The following MED13L variants were observed in gnomAD, a reference collection of about 807,000 sequenced individuals.
MED13L encodes the protein mediator of RNA polymerase II transcription subunit 13-like.
MED13L carries 7 observed loss-of-function variants against 220.9 expected under a neutral mutation model. That is an observed-to-expected ratio of 0.03 (90% confidence interval 0.02 to 0.06). MED13L has a LOEUF of 0.06. Among genes scored for constraint, MED13L ranks in the 10% least tolerant of loss-of-function variants. MED13L has a pLI of 1.00. For synonymous variants in MED13L, 1,011 were observed against 1,015.2 expected (o/e 1.00, Z 0.08); for missense variants, 1,965 against 2,760.5 (o/e 0.71, Z 6.46).
Position 116,015,259 on chromosome 12 carries a change from A to G in MED13L, c.1025T>C (p.Met342Thr), listed in dbSNP as rs1879657937. 6.2e-7 allele frequency: 1 copy of G among 1,613,880 alleles called. No individual in the cohort carries two copies. Among genetic ancestry groups the G allele is most frequent in the Non-Finnish European group, 8.5e-7 (1 of 1,179,822 alleles). ...EQAILGESGG[M>T]QSAASHLVSQ... ...AACCAGGTGACTGGCAGCACTCTGC[A>G]TACCTCCACTCTCACCTGAAAAAAA... Residue 342 changes from methionine (M) to threonine (T), a missense_variant, in exon 8 of 31, where the codon ATG becomes ACG. Transcript: ENST00000281928.
chr12:116,088,363 C>T (rs543678512), intron 4 of MED13L, among the ~76,000 whole-genome samples: 2 of 152,304 alleles, frequency 1.3e-5, no homozygotes, highest in South Asian at 4.1e-4. Flanking sequence ...CCAATTCCTA[C>T]ACTATGTGCA....
chr12:115,996,257 A>AT, intron 16 of MED13L, among the ~76,000 whole-genome samples: 1 of 151,814 alleles, frequency 6.6e-6, no homozygotes, highest in Non-Finnish European at 1.5e-5. Context: ...AGCCCAGCTA[A>AT]TTTTTTGTAT....
chr12:115,985,051 C>A (rs1186109436), intron 19 of MED13L, among the ~76,000 whole-genome samples: 2 of 152,140 alleles, frequency 1.3e-5, no homozygotes, highest in African/African-American at 2.4e-5. Context: ...TAAGCCCCGA[C>A]AAAATCCTCT....
intron 2 of MED13L, among the ~76,000 whole-genome samples, chr12:116,123,616 C>T (rs555988084): frequency 1.3e-5 from 2 of 152,242 alleles, no homozygotes; most frequent in East Asian, 3.9e-4. Flanking sequence ...AAAATTCTGA[C>T]AGGGCAAGTC....
intron 1 of MED13L, chr12:116,276,791 A>C: frequency 8.0e-7 from 1 of 1,247,672 alleles, no homozygotes; most frequent in Non-Finnish European, 1.1e-6. Context: ...TGCGACCCAG[A>C]ATCCGCAGCT....
intron 4 of MED13L, among the ~76,000 whole-genome samples, chr12:116,091,783 A>G (rs1031363700): frequency 1.1e-4 from 17 of 152,258 alleles, no homozygotes; most frequent in Non-Finnish European, 2.4e-4. Context: ...TACATGTTTT[A>G]CATGCCTCTA....
chr12:116,197,604 T>TA (rs1449184072), intron 2 of MED13L, among the ~76,000 whole-genome samples: 25 of 151,872 alleles, frequency 1.6e-4, no homozygotes, highest in Admixed American at 1.4e-3. Context: ...CCATCTCTAC[T>TA]AAAAATACAA....
At chr12:116,003,235 C>T in intron 13 of MED13L, 133 bp from the exon 14 acceptor site, 1 of 737,706 alleles carries the variant, frequency 1.4e-6, no homozygotes. Flanking sequence ...TCTAGAAATA[C>T]CAACAGATAG....
At chr12:116,081,447 G>A (rs1871235201) in intron 4 of MED13L, among the ~76,000 whole-genome samples, 1 of 152,096 alleles carries the variant, frequency 6.6e-6, no homozygotes, top group African/African-American at 2.4e-5. Context: ...TACTTTGGAG[G>A]AATGTATGTA....
chr12:116,201,944 T>C (rs998152373), intron 2 of MED13L, among the ~76,000 whole-genome samples: 3 of 152,238 alleles, frequency 2.0e-5, no homozygotes, highest in African/African-American at 7.2e-5. Context: ...TAAAGAAATA[T>C]GCTTCATTCT....
At chr12:115,961,616 T>G in intron 30 of MED13L, 2 of 638,714 alleles carry the variant, frequency 3.1e-6, no homozygotes, top group Non-Finnish European at 2.7e-6. Context: ...GCCATTGAGC[T>G]CCGCCAGTGA....
At chr12:116,162,090 C>T (rs959676141) in intron 2 of MED13L, among the ~76,000 whole-genome samples, 2 of 152,108 alleles carry the variant, frequency 1.3e-5, no homozygotes, top group African/African-American at 2.4e-5. Context: ...TATAATCAAA[C>T]TGCAACTGTA....
At chr12:116,076,599 C>G (rs1177052347) in intron 4 of MED13L, among the ~76,000 whole-genome samples, 1 of 152,090 alleles carries the variant, frequency 6.6e-6, no homozygotes. Context: ...AGTCCCAGGG[C>G]ACATTAATGA....
At chr12:116,228,169 T>C (rs893173760) in intron 2 of MED13L, among the ~76,000 whole-genome samples, 11 of 151,852 alleles carry the variant, frequency 7.2e-5, no homozygotes, top group Non-Finnish European at 1.5e-5. Context: ...CTAGCAGAGG[T>C]TGGTTCATGA....
At chr12:116,071,264 T>A (rs1397478883) in intron 4 of MED13L, among the ~76,000 whole-genome samples, 1 of 152,240 alleles carries the variant, frequency 6.6e-6, no homozygotes, top group Non-Finnish European at 1.5e-5. Flanking sequence ...ATGACTTCTT[T>A]ATCTCAATTT....
chr12:116,021,171 C>T (rs944795312), intron 5 of MED13L, among the ~76,000 whole-genome samples: 4 of 152,080 alleles, frequency 2.6e-5, no homozygotes, highest in Non-Finnish European at 5.9e-5. Flanking sequence ...CAGAATAATG[C>T]TCCACAAAAG....
intron 1 of MED13L, among the ~76,000 whole-genome samples, chr12:116,268,844 T>C (rs1312429814): frequency 2.6e-5 from 4 of 152,236 alleles, no homozygotes; most frequent in Non-Finnish European, 5.9e-5. Context: ...CTTAAATACA[T>C]TCAACTCAGT....
chr12:116,245,096 G>A (rs1426542929), intron 1 of MED13L, among the ~76,000 whole-genome samples: 1 of 152,116 alleles, frequency 6.6e-6, no homozygotes, highest in African/African-American at 2.4e-5. Context: ...GTAAACAGAG[G>A]GTACCTGGAC....
chr12:116,133,007 T>C (rs1565893126), intron 2 of MED13L, among the ~76,000 whole-genome samples: 1 of 152,178 alleles, frequency 6.6e-6, no homozygotes, highest in African/African-American at 2.4e-5. Flanking sequence ...TGCTGCACAG[T>C]TGCAATTCCC....
Sources: allele counts gnomAD v4.1 joint callset (sites outside exome capture counted in the v4.1 genomes callset), GRCh38; gene constraint gnomAD v4.1.1; transcripts MANE v1.5; gene names NCBI Gene and HGNC (gene_info 2026-07-23, HGNC 2026-07-21).